The following PDE10A variants were observed in gnomAD, a reference collection of about 807,000 sequenced individuals.
The protein encoded by PDE10A is cAMP and cAMP-inhibited cGMP 3',5'-cyclic phosphodiesterase 10A.
Under a neutral mutation model 97.7 loss-of-function variants are expected in PDE10A, and 39 were observed. The ratio of observed to expected loss-of-function variants is 0.40; its 90% CI spans 0.31 to 0.52. The LOEUF is 0.52. Among genes scored for constraint, PDE10A ranks in the 20% least tolerant of loss-of-function variants. The probability of loss-of-function intolerance (pLI) is 0.56; values close to 1 mark genes in which losing one functional copy is unlikely to be tolerated. For synonymous variants in PDE10A, 371 were observed against 376.8 expected (o/e 0.98, Z 0.18); for missense variants, 731 against 1,047.8 (o/e 0.70, Z 4.17).
rs533111799 is a variant in PDE10A, at chr6:165,638,722, C to T, written c.865+23225G>A. 9.2e-5 allele frequency among the ~76,000 whole-genome samples: 14 copies of T among 152,270 alleles called. No homozygotes were observed. The East Asian group carries it at 1.2e-3, about 13-fold the overall frequency. ...TAAGTTCGTCATCCCAAGGTTAAGT[C>T]GCCCACACAACACCCACATTGCATA... On this transcript the variant is annotated intron_variant, in intron 1 of 21. Coordinates refer to ENST00000539869, the MANE Select transcript of PDE10A (RefSeq NM_001385079.1).
At chr6:165,936,643 T>C (rs1290038190) in intron 1 of PDE10A, among the ~76,000 whole-genome samples, 1 of 152,000 alleles carries the variant, frequency 6.6e-6, no homozygotes, top group Non-Finnish European at 1.5e-5. Context: ...ACAAGGAGAA[T>C]TTTGCCTGTG....
At chr6:165,570,949 G>T (rs1467881910) in intron 1 of PDE10A, among the ~76,000 whole-genome samples, 1 of 152,180 alleles carries the variant, frequency 6.6e-6, no homozygotes, top group Non-Finnish European at 1.5e-5. Flanking sequence ...GTCCACAAAT[G>T]ACAGTGAAAA....
chr6:165,458,105 T>G (rs906498944), intron 3 of PDE10A, among the ~76,000 whole-genome samples: 1 of 152,214 alleles, frequency 6.6e-6, no homozygotes, highest in Non-Finnish European at 1.5e-5. Context: ...GAAAAATATC[T>G]TCTCATCATT....
chr6:165,572,211 G>A (rs929157790), intron 1 of PDE10A, among the ~76,000 whole-genome samples: 22 of 152,206 alleles, frequency 1.4e-4, no homozygotes, highest in African/African-American at 5.3e-4. Flanking sequence ...TGGTCTCTAC[G>A]GCAGCATTTA....
intron 1 of PDE10A, among the ~76,000 whole-genome samples, chr6:165,680,780 T>C (rs1790954048): frequency 6.6e-6 from 1 of 152,106 alleles, no homozygotes; most frequent in South Asian, 2.1e-4. Context: ...GGCGGGCACC[T>C]GTAATCCCAG....
intron 3 of PDE10A, among the ~76,000 whole-genome samples, chr6:165,479,805 G>A (rs1377775403): frequency 6.6e-6 from 1 of 152,088 alleles, no homozygotes; most frequent in Non-Finnish European, 1.5e-5. Flanking sequence ...TAAGAAGACA[G>A]GGAAACAAAG....
intron 1 of PDE10A, among the ~76,000 whole-genome samples, chr6:165,638,674 T>C (rs550800933): frequency 1.3e-5 from 2 of 152,332 alleles, no homozygotes; most frequent in East Asian, 1.9e-4. Flanking sequence ...TTAAAATATA[T>C]ACTAACCAAA....
chr6:165,431,602 T>C (rs1789578805), intron 7 of PDE10A, 130 bp from the exon 8 acceptor site: 2 of 287,562 alleles, frequency 7.0e-6, no homozygotes, highest in African/African-American at 2.4e-5. Context: ...ATACTATATA[T>C]AATATATATC....
chr6:165,370,791 ACACCACAC>A (rs1442821814), intron 18 of PDE10A, among the ~76,000 whole-genome samples: 1 of 150,250 alleles, frequency 6.7e-6, no homozygotes, highest in Non-Finnish European at 1.5e-5. Flanking sequence ...TTTCAGCACG[ACACCACAC>A]CTATTCCAAA....
intron 1 of PDE10A, among the ~76,000 whole-genome samples, chr6:165,560,435 G>A (rs116906570): frequency 0.011 from 1,725 of 152,248 alleles, 20 homozygotes; most frequent in Admixed American, 0.027. Flanking sequence ...ACTAAGTAAC[G>A]CCAACACCTT....
chr6:165,839,809 G>GCAT (rs1780173176), intron 1 of PDE10A, among the ~76,000 whole-genome samples: 1 of 6,950 alleles, frequency 1.4e-4, no homozygotes, highest in African/African-American at 5.4e-4. Context: ...CCCTTCTCCA[G>GCAT]CTCCATCCCC....
intron 2 of PDE10A, among the ~76,000 whole-genome samples, chr6:165,489,454 T>C (rs1780101852): frequency 6.6e-6 from 1 of 152,196 alleles, no homozygotes; most frequent in African/African-American, 2.4e-5. Context: ...ACAGCAGCCC[T>C]TGAGTCCCAG....
chr6:165,429,258 G>A (rs190674865), intron 9 of PDE10A, among the ~76,000 whole-genome samples: 14 of 152,056 alleles, frequency 9.2e-5, no homozygotes, highest in Middle Eastern at 6.8e-3. Context: ...TATGAACAGC[G>A]AGTAAATGTT....
At chr6:165,433,152 G>C (rs775565568) in intron 6 of PDE10A, 23 bp from the exon 7 acceptor site, 6 of 1,584,002 alleles carry the variant, frequency 3.8e-6, no homozygotes, top group Non-Finnish European at 5.2e-6. Context: ...AAGACAAAAA[G>C]ACATAAATTC....
At chr6:165,732,290 C>T (rs570242653) in intron 1 of PDE10A, among the ~76,000 whole-genome samples, 2 of 152,240 alleles carry the variant, frequency 1.3e-5, no homozygotes, top group Non-Finnish European at 2.9e-5. Flanking sequence ...TATTTTACCA[C>T]CTCTCTTTCG....
intron 1 of PDE10A, among the ~76,000 whole-genome samples, chr6:165,935,141 T>C (rs1783281559): frequency 6.6e-6 from 1 of 152,046 alleles, no homozygotes; most frequent in South Asian, 2.1e-4. Context: ...ACCACATACA[T>C]AGGAGGTTGC....
chr6:165,340,184 G>T (rs1350799083), intron 19 of PDE10A, among the ~76,000 whole-genome samples: 2 of 152,134 alleles, frequency 1.3e-5, no homozygotes, highest in South Asian at 2.1e-4. Flanking sequence ...CCATTTTAAA[G>T]ATTTTAGAAA....
rs921054856 is a variant in PDE10A, at chr6:165,663,235, G to T, written c.-424C>A. ...GGTGGTGGCGGCGGCGGCAGAAGAC[G>T]CCCACTGGCGGAGCAGGCGCTCCCC... On this transcript the variant is annotated 5_prime_UTR_variant, in exon 1 of 22. Transcript: ENST00000539869. Among the ~76,000 whole-genome samples, 2 of 151,004 alleles carry T rather than the reference G, an allele frequency of 1.3e-5. No individual in the cohort carries two copies. Among genetic ancestry groups the T allele is most frequent in the South Asian group, 4.2e-4 (2 of 4,706 alleles).
chr6:165,660,645 C>T (rs1790200075), intron 1 of PDE10A: 1 of 152,654 alleles, frequency 6.6e-6, no homozygotes. Flanking sequence ...GGGGCTCAAC[C>T]TCGGGTGCCC....
Sources: allele counts gnomAD v4.1 joint callset (sites outside exome capture counted in the v4.1 genomes callset), GRCh38; gene constraint gnomAD v4.1.1; transcripts MANE v1.5; gene names NCBI Gene and HGNC (gene_info 2026-07-23, HGNC 2026-07-21).